The following TAFA1 variants were observed in gnomAD, a reference collection of about 807,000 sequenced individuals.
TAFA1 encodes the protein TAFA chemokine like family member 1, also known as chemokine-like protein TAFA-1.
In TAFA1, 4 loss-of-function variants were observed where a neutral mutation model predicts 18.5. That is an observed-to-expected ratio of 0.22 (90% CI 0.11 to 0.49). The LOEUF is 0.49. Ranked by LOEUF, TAFA1 falls within the 20% of genes least tolerant of loss-of-function variation. The pLI is 0.98. For synonymous variants in TAFA1, 56 were observed against 55.2 expected (o/e 1.01, Z -0.06); for missense variants, 147 against 169.0 (o/e 0.87, Z 0.72).
intron 2 of TAFA1, among the ~76,000 whole-genome samples, chr3:68,008,948 T>A (rs1704418267): frequency 6.6e-6 from 1 of 152,086 alleles, no homozygotes; most frequent in Non-Finnish European, 1.5e-5. Flanking sequence ...GGGGTGTAAA[T>A]ATAATAAAAA....
rs185449275 is a variant in TAFA1 at position 68,291,691 on chromosome 3, A to G, written c.119-125589A>G. On this transcript the variant is annotated intron_variant, in intron 2 of 4. Transcript: ENST00000478136. ...ATATAACATAGAATGTTCATTCCCC[A>G]CAAAAAAAAAAATCTGGATCATGTT... Among the ~76,000 whole-genome samples the G allele has an allele frequency of 2.0e-3, 284 of 143,786 alleles. 2 individuals carry two copies. The highest frequency in any genetic ancestry group is 2.9e-4 in the Non-Finnish European group (19 of 66,482). The allele number at this position is 143,786 out of a possible 152,430, so 94.3% of individuals were successfully genotyped here. A position where few individuals can be genotyped will look rare whatever the true frequency, so the allele number is the denominator to read the frequency against.
intron 2 of TAFA1, among the ~76,000 whole-genome samples, chr3:68,033,524 A>G (rs1225092227): frequency 1.3e-5 from 2 of 152,366 alleles, no homozygotes; most frequent in East Asian, 3.9e-4. Flanking sequence ...CGTTTAAACA[A>G]GAACATTCTC....
At chr3:68,269,248 G>T (rs2067612407) in intron 2 of TAFA1, among the ~76,000 whole-genome samples, 2 of 152,152 alleles carry the variant, frequency 1.3e-5, no homozygotes, top group Non-Finnish European at 2.9e-5. Context: ...GAGGCCGGGA[G>T]TTTGAGACCA....
chr3:68,292,115 C>T (rs1304525016), intron 2 of TAFA1, among the ~76,000 whole-genome samples: 2 of 152,198 alleles, frequency 1.3e-5, no homozygotes, highest in Middle Eastern at 3.4e-3. Flanking sequence ...TATGCTTTTC[C>T]CCTCACATAT....
chr3:68,232,096 T>G (rs1215273087), intron 2 of TAFA1, among the ~76,000 whole-genome samples: 1 of 152,192 alleles, frequency 6.6e-6, no homozygotes, highest in East Asian at 1.9e-4. Flanking sequence ...TCTAGATACT[T>G]GAAAATAAAC....
chr3:68,396,994 C>T (rs2070393936), intron 2 of TAFA1, among the ~76,000 whole-genome samples: 1 of 152,128 alleles, frequency 6.6e-6, no homozygotes, highest in African/African-American at 2.4e-5. Context: ...ACTCCAATCT[C>T]CAGCCATACT....
At chr3:68,065,328 A>G (rs754266537) in intron 2 of TAFA1, among the ~76,000 whole-genome samples, 53 of 152,150 alleles carry the variant, frequency 3.5e-4, no homozygotes, top group Non-Finnish European at 7.5e-4. Context: ...TTATCTGATC[A>G]CATAAATCAG....
At chr3:68,231,921 C>T (rs1257230203) in intron 2 of TAFA1, among the ~76,000 whole-genome samples, 1 of 151,892 alleles carries the variant, frequency 6.6e-6, no homozygotes. Flanking sequence ...TACATTTTTT[C>T]CTTTTATTTT....
chr3:68,433,626 T>C (rs1233748494), intron 3 of TAFA1, among the ~76,000 whole-genome samples: 2 of 152,160 alleles, frequency 1.3e-5, no homozygotes, highest in African/African-American at 2.4e-5. Flanking sequence ...AAATAATTCA[T>C]GTCTTTTGTA....
At chr3:68,013,448 A>G (rs1447752) in intron 2 of TAFA1, among the ~76,000 whole-genome samples, 30,676 of 152,184 alleles carry the variant, frequency 0.2, 3,716 homozygotes, top group Non-Finnish European at 0.28. Context: ...ATACTTACAA[A>G]TGTAGTGAAA....
intron 2 of TAFA1, among the ~76,000 whole-genome samples, chr3:68,260,787 T>C (rs1474323088): frequency 1.3e-5 from 2 of 152,172 alleles, no homozygotes; most frequent in African/African-American, 4.8e-5. Flanking sequence ...GATTAAAGAC[T>C]TACATGTTAG....
Position 68,137,496 on chromosome 3 carries a change from A to G in TAFA1, c.118+130752A>G, listed in dbSNP as rs191444914. ...GTGGGACCGTGCAATACTGCATGAT[A>G]GAAAGTTCTAGAAACTTGATAGGTT... On this transcript the variant is annotated intron_variant, in intron 2 of 4. Coordinates refer to ENST00000478136, the MANE Select transcript of TAFA1 (RefSeq NM_213609.4). Among the ~76,000 whole-genome samples the G allele has an allele frequency of 9.2e-5, 14 of 152,336 alleles. No homozygotes were observed. In the East Asian group the frequency reaches 2.7e-3, roughly 29 times the overall value.
At chr3:68,435,446 T>C (rs1306594546) in intron 3 of TAFA1, among the ~76,000 whole-genome samples, 1 of 152,172 alleles carries the variant, frequency 6.6e-6, no homozygotes, top group Non-Finnish European at 1.5e-5. Context: ...CAATGAATGT[T>C]ATGGTTAGAT....
At chr3:68,479,241 A>AAAAAAAAATATATAT (rs1353493315) in intron 3 of TAFA1, among the ~76,000 whole-genome samples, 9 of 123,666 alleles carry the variant, frequency 7.3e-5, no homozygotes, top group African/African-American at 3.2e-4. Context: ...AAAAAAAAAA[A>AAAAAAAAATATATAT]ATATATATAT....
intron 2 of TAFA1, among the ~76,000 whole-genome samples, chr3:68,041,606 T>A (rs1705166599): frequency 6.6e-6 from 1 of 152,218 alleles, no homozygotes; most frequent in Non-Finnish European, 1.5e-5. Flanking sequence ...GAAAACTCTT[T>A]ATTGAGTGTC....
chr3:68,521,856 G>GTTTTTTTTTTTTTTTTTTTTT lies in TAFA1; in HGVS notation c.260-16880_260-16879insTTTTTTTTTTTTTTTTTTTTT, dbSNP rs57372768. Among the ~76,000 whole-genome samples, 37 of 70,856 alleles carry GTTTTTTTTTTTTTTTTTTTTT rather than the reference G, an allele frequency of 5.2e-4. 7 individuals are homozygous for GTTTTTTTTTTTTTTTTTTTTT. The highest frequency in any genetic ancestry group is 7.5e-4 in the South Asian group (1 of 1,330). 46.5% of individuals were successfully genotyped at this position (70,856 alleles called of 152,430 possible). A position where few individuals can be genotyped will look rare whatever the true frequency, so the allele number is the denominator to read the frequency against. ...TCTGGGTTTTTCTGTGTTTTTTTCT[G>GTTTTTTTTTTTTTTTTTTTTT]TTTTTTTTTTTTTTTTTTTTGGAGA... On this transcript the variant is annotated intron_variant, in intron 3 of 4. Coordinates refer to ENST00000478136, the MANE Select transcript of TAFA1 (RefSeq NM_213609.4).
At chr3:67,999,885 T>C (rs552588695), upstream of TAFA1, among the ~76,000 whole-genome samples, 13 of 150,468 alleles carry the variant, frequency 8.6e-5, no homozygotes, top group East Asian at 2.4e-3. Context: ...GCCTCTGGGG[T>C]TCAAGCAATT....
chr3:68,451,338 A>G (rs2071563833), intron 3 of TAFA1, among the ~76,000 whole-genome samples: 1 of 152,188 alleles, frequency 6.6e-6, no homozygotes, highest in South Asian at 2.1e-4. Flanking sequence ...ATTCATTATG[A>G]GAGCAGTTGA....
Position 68,198,178 on chromosome 3 carries a change from T to A in TAFA1, c.118+191434T>A, listed in dbSNP as rs539367218. On this transcript the variant is annotated intron_variant, in intron 2 of 4. Coordinates refer to ENST00000478136, the MANE Select transcript of TAFA1 (RefSeq NM_213609.4). The stretch of plus-strand genomic sequence containing the variant: ...TTCACTTAATAATATGCATTTAAGT[T>A]TTATCCATGTCTGTTTAGAGCTTGA... Among the ~76,000 whole-genome samples, 4 of 151,818 alleles carry A rather than the reference T, an allele frequency of 2.6e-5. No homozygotes were observed. The South Asian group carries it at 8.3e-4, about 31-fold the overall frequency.
Sources: allele counts gnomAD v4.1 joint callset (sites outside exome capture counted in the v4.1 genomes callset), GRCh38; gene constraint gnomAD v4.1.1; transcripts MANE v1.5; gene names NCBI Gene and HGNC (gene_info 2026-07-23, HGNC 2026-07-21).